Variants in CSMD2 observed in about 807,000 individuals in gnomAD.
CSMD2 encodes CUB and sushi domain-containing protein 2.
CSMD2 carries 130 observed loss-of-function variants against 398.5 expected under a neutral mutation model. That is an observed-to-expected ratio of 0.33 (90% CI 0.28 to 0.38). The LOEUF (loss-of-function observed/expected upper bound fraction) is 0.38, where lower values mean the gene tolerates loss of function less well. Among genes scored for constraint, CSMD2 ranks in the 10% least tolerant of loss-of-function variants. CSMD2 has a pLI of 1.00. For synonymous variants in CSMD2, 1,828 were observed against 1,908.5 expected, an observed-to-expected ratio of 0.96 and a Z score of 1.10; for missense variants, 3,829 against 4,764.9, an observed-to-expected ratio of 0.80 and a Z score of 5.78.
At chr1:34,165,822 GCCT>G, upstream of CSMD2, 1 of 1,578,348 alleles carries the variant, frequency 6.3e-7, no homozygotes, top group African/African-American at 1.4e-5. Flanking sequence ...ATTCACAATA[GCCT>G]CCTACCCCAT....
intron 3 of CSMD2, among the ~76,000 whole-genome samples, chr1:34,017,283 T>C (rs1299491394): frequency 2.0e-5 from 3 of 152,236 alleles, no homozygotes; most frequent in East Asian, 1.9e-4. Flanking sequence ...TGGACATTGT[T>C]CTACTCCCTG....
Position 33,667,350 on chromosome 1 carries a change from C to T in CSMD2, c.4053-4258G>A, listed in dbSNP as rs1486555179. 2.0e-5 allele frequency among the ~76,000 whole-genome samples: 3 copies of T among 152,100 alleles called. No individual in the cohort carries two copies. In the East Asian group the frequency reaches 5.8e-4, roughly 29 times the overall value. The stretch of plus-strand genomic sequence containing the variant: ...GTGTATAAGGCACTTTCACATTAGC[C>T]CATGGAGTCCATGCAAGCATCTTTA... On this transcript the variant is annotated intron_variant, in intron 25 of 70. Transcript: ENST00000373381.
intron 4 of CSMD2, among the ~76,000 whole-genome samples, chr1:33,933,404 G>C (rs534559564): frequency 6.6e-6 from 1 of 152,158 alleles, no homozygotes; most frequent in Non-Finnish European, 1.5e-5. Flanking sequence ...TGATACCCCC[G>C]CTGCATCCAG....
chr1:33,904,354 C>T (rs6702551), intron 5 of CSMD2, among the ~76,000 whole-genome samples: 120,703 of 152,146 alleles, frequency 0.79, 48,490 homozygotes, highest in South Asian at 0.92. Flanking sequence ...GAAGTCCAAA[C>T]TGGATGGAAA....
chr1:33,955,376 A>G (rs2125380542), intron 3 of CSMD2, among the ~76,000 whole-genome samples: 1 of 152,160 alleles, frequency 6.6e-6, no homozygotes, highest in East Asian at 1.9e-4. Flanking sequence ...GCCTGTGCAG[A>G]GGATGCTTAT....
intron 2 of CSMD2, among the ~76,000 whole-genome samples, chr1:34,085,326 C>A (rs916882988): frequency 1.3e-5 from 2 of 151,954 alleles, no homozygotes; most frequent in African/African-American, 4.8e-5. Context: ...CACATGCATA[C>A]ATATGTAACA....
chr1:34,020,458 C>A (rs944152520), intron 3 of CSMD2, among the ~76,000 whole-genome samples: 1 of 152,158 alleles, frequency 6.6e-6, no homozygotes, highest in Non-Finnish European at 1.5e-5. Flanking sequence ...CAGGCAGCAA[C>A]AACGCCCTGA....
At chr1:34,028,000 C>T (rs535146825) in intron 3 of CSMD2, among the ~76,000 whole-genome samples, 1 of 152,274 alleles carries the variant, frequency 6.6e-6, no homozygotes, top group African/African-American at 2.4e-5. Flanking sequence ...GTTCTAGCAA[C>T]TGAAAATGCA....
rs1003756206 is a variant in CSMD2, at chr1:33,616,174, G to A, written c.6016+732C>T. Among the ~76,000 whole-genome samples, 5 of 152,132 alleles carry A rather than the reference G, an allele frequency of 3.3e-5. No individual in the cohort carries two copies. The East Asian group carries it at 5.8e-4, about 18-fold the overall frequency. Reference sequence around the variant, plus strand: ...CTGCTCATCACTGCCGTAGCACAGGGTAAGGGACGAAGCCAAGTCCTTGTT... The same window carrying A: ...CTGCTCATCACTGCCGTAGCACAGGATAAGGGACGAAGCCAAGTCCTTGTT... On this transcript the variant is annotated intron_variant, in intron 39 of 70. Coordinates refer to ENST00000373381, the MANE Select transcript of CSMD2 (RefSeq NM_001281956.2).
intron 13 of CSMD2, among the ~76,000 whole-genome samples, chr1:33,766,478 T>C (rs1046608578): frequency 2.0e-5 from 3 of 152,198 alleles, no homozygotes; most frequent in Admixed American, 6.5e-5. Context: ...CTAATATTCA[T>C]AGCATCAATG....
chr1:33,883,691 C>A (rs984719523), intron 5 of CSMD2, among the ~76,000 whole-genome samples: 35 of 152,150 alleles, frequency 2.3e-4, no homozygotes, highest in Admixed American at 3.9e-4. Flanking sequence ...CTCTCCAAGC[C>A]TTCTCAGGGA....
At chr1:33,607,185 T>G in intron 41 of CSMD2, among the ~76,000 whole-genome samples, 1 of 152,204 alleles carries the variant, frequency 6.6e-6, no homozygotes, top group African/African-American at 2.4e-5. Flanking sequence ...TGAGAAATTG[T>G]CATGGAACAC....
At chr1:34,030,255 T>G (rs527369119) in intron 3 of CSMD2, among the ~76,000 whole-genome samples, 13 of 152,330 alleles carry the variant, frequency 8.5e-5, no homozygotes, top group African/African-American at 3.1e-4. Context: ...GCTACTGTAT[T>G]GGACAATACA....
At chr1:33,938,356 G>A (rs1438094429) in intron 3 of CSMD2, among the ~76,000 whole-genome samples, 1 of 152,032 alleles carries the variant, frequency 6.6e-6, no homozygotes, top group Non-Finnish European at 1.5e-5. Flanking sequence ...ATCCTGTACT[G>A]CTGCTGGCTT....
intron 25 of CSMD2, among the ~76,000 whole-genome samples, chr1:33,675,729 A>G (rs1178680603): frequency 6.6e-6 from 1 of 152,206 alleles, no homozygotes; most frequent in Non-Finnish European, 1.5e-5. Flanking sequence ...GGCAAACCGA[A>G]TCCAGCAGCA....
chr1:34,039,808 G>A (rs1651626183), intron 2 of CSMD2, among the ~76,000 whole-genome samples: 1 of 152,146 alleles, frequency 6.6e-6, no homozygotes, highest in South Asian at 2.1e-4. Flanking sequence ...CTGATGTATG[G>A]CCCTGGGTAA....
rs574751325 is a variant in CSMD2 at position 33,788,048 on chromosome 1, G to T, written c.1663+552C>A. ...GTCTCCATGAACCAGGTATGAATTGGGGATGGAACTGAGGTGTGCATCTGA... is the reference window on the plus strand; with the variant it reads ...GTCTCCATGAACCAGGTATGAATTGTGGATGGAACTGAGGTGTGCATCTGA... On this transcript the variant is annotated intron_variant, in intron 12 of 70. Transcript: ENST00000373381. Among the ~76,000 whole-genome samples the T allele has an allele frequency of 6.6e-5, 10 of 152,218 alleles. No homozygotes were observed. The South Asian group carries it at 1.9e-3, about 28-fold the overall frequency.
At chr1:34,008,331 C>T (rs188343694) in intron 3 of CSMD2, among the ~76,000 whole-genome samples, 3 of 152,294 alleles carry the variant, frequency 2.0e-5, no homozygotes, top group Admixed American at 1.3e-4. Flanking sequence ...TCATCTTGTC[C>T]CCCTAGTGAG....
intron 3 of CSMD2, among the ~76,000 whole-genome samples, chr1:33,948,099 T>C (rs1003847600): frequency 2.0e-5 from 3 of 152,160 alleles, no homozygotes; most frequent in Admixed American, 1.3e-4. Context: ...TCTCCCTAAC[T>C]GGGCCAAAGA....
Sources: gnomAD v4.1 joint callset for allele counts (sites outside exome capture counted in the v4.1 genomes callset) on GRCh38, gnomAD v4.1.1 for gene constraint, MANE v1.5 for transcripts, NCBI Gene and HGNC (gene_info 2026-07-23, HGNC 2026-07-21) for gene names.